Variants in NCOA2 observed in about 807,000 individuals in gnomAD.
NCOA2 encodes the protein class E basic helix-loop-helix protein 75.
In NCOA2, 21 loss-of-function variants were observed where a neutral mutation model predicts 145.1. That is an observed-to-expected ratio of 0.14 (90% CI 0.10 to 0.21). NCOA2 has a LOEUF of 0.21. NCOA2 is among the 10% of genes least tolerant of loss of function. The pLI is 1.00. For missense variants in NCOA2, 1,472 were observed against 1,837.6 expected (o/e 0.80, Z 3.64); for synonymous variants, 619 against 637.5 (o/e 0.97, Z 0.44).
At chr8:70,405,677 A>G (rs1176209932), upstream of NCOA2, among the ~76,000 whole-genome samples, 1 of 150,540 alleles carries the variant, frequency 6.6e-6, no homozygotes, top group Non-Finnish European at 1.5e-5. Flanking sequence ...ATAAATAAAT[A>G]AATAAATAAA....
chr8:70,389,886 G>A (rs954233594), intron 1 of NCOA2, among the ~76,000 whole-genome samples: 3 of 151,250 alleles, frequency 2.0e-5, no homozygotes, highest in Admixed American at 6.6e-5. Flanking sequence ...GGCTGGTCTC[G>A]AACTCCTGAC....
chr8:70,362,898 C>A lies in NCOA2; in HGVS notation c.-77+40802G>T, dbSNP rs111964626. 9.3e-4 allele frequency among the ~76,000 whole-genome samples: 140 copies of A among 150,948 alleles called. 1 individual carries two copies. Among genetic ancestry groups the A allele is most frequent in the African/African-American group, 3.4e-3 (138 of 41,080 alleles). ...TTTGAGACCAGCCTGGGCAACATGG[C>A]AAAACCCCGTCTCTACAAAAAACAC... On this transcript the variant is annotated intron_variant, in intron 1 of 22. Transcript: ENST00000452400.
chr8:70,144,738 T>C lies in NCOA2; in HGVS notation c.2716A>G (p.Arg906Gly), dbSNP rs1340421948. 2 of 1,614,002 alleles carry C rather than the reference T, an allele frequency of 1.2e-6. No individual in the cohort carries two copies. The highest frequency in any genetic ancestry group is 4.5e-5 in the East Asian group (2 of 44,884). The change falls in exon 13 of 23, where the codon AGA becomes GGA. Residue 906 changes from arginine (R) to glycine (G), a missense_variant. Transcript: ENST00000452400. Reference protein sequence around the residue: ...PTGAGPFPPIRNSSPYSVIPQ... With the variant: ...PTGAGPFPPIGNSSPYSVIPQ... ...ATCACTGAGTAGGGACTACTGTTTC[T>C]GATTGGTGGGAAAGGTCCAGCACCA...
upstream of NCOA2, among the ~76,000 whole-genome samples, chr8:70,405,437 GTTTT>G (rs34814735): frequency 1.0e-4 from 6 of 59,364 alleles, no homozygotes; most frequent in African/African-American, 3.0e-4. Context: ...ATTTTTAAAG[GTTTT>G]TTTTTTTTTT....
chr8:70,423,494 T>G, the NCOA2 span, among the ~76,000 whole-genome samples: 1 of 152,146 alleles, frequency 6.6e-6, no homozygotes, highest in Non-Finnish European at 1.5e-5. Flanking sequence ...ACTTTCTAAT[T>G]GAATCCTCTG....
At chr8:70,297,467 A>T (rs1414920238) in intron 1 of NCOA2, among the ~76,000 whole-genome samples, 1 of 152,138 alleles carries the variant, frequency 6.6e-6, no homozygotes, top group Non-Finnish European at 1.5e-5. Context: ...CCAAGTAGCC[A>T]GGACTACAGG....
At chr8:70,222,874 C>T (rs983815837) in intron 2 of NCOA2, among the ~76,000 whole-genome samples, 1 of 152,190 alleles carries the variant, frequency 6.6e-6, no homozygotes, top group Admixed American at 6.5e-5. Context: ...TCATTACCAA[C>T]ATGGGCGAAA....
Position 70,216,697 on chromosome 8 carries a change from T to G in NCOA2, c.49A>C (p.Arg17=), listed in dbSNP as rs1368486013. ...TGGTCAGGACATTCCTTGCGCTTTC[T>G]TGTCTCTGCCCTGGAGGGGTCAGAG... ...NTSDPSRAET[R]KRKECPDQLG... Residue 17 remains arginine, a synonymous_variant, in exon 3 of 23, where the codon AGA becomes CGA. Coordinates refer to ENST00000452400, the MANE Select transcript of NCOA2 (RefSeq NM_006540.4). 2.5e-6 allele frequency: 4 copies of G among 1,613,732 alleles called. No homozygotes were observed. The highest frequency in any genetic ancestry group is 3.4e-6 in the Non-Finnish European group (4 of 1,179,766).
intron 4 of NCOA2, among the ~76,000 whole-genome samples, chr8:70,197,330 C>A (rs1347664659): frequency 6.6e-6 from 1 of 152,206 alleles, no homozygotes; most frequent in African/African-American, 2.4e-5. Context: ...ATTACTTCTT[C>A]TTTTTCTTAG....
At chr8:70,134,798 T>C (rs1809539773) in intron 15 of NCOA2, among the ~76,000 whole-genome samples, 1 of 152,194 alleles carries the variant, frequency 6.6e-6, no homozygotes, top group Non-Finnish European at 1.5e-5. Flanking sequence ...CCCAAATAAA[T>C]GCAGAGATTA....
At chr8:70,375,063 A>G (rs1563819991) in intron 1 of NCOA2, among the ~76,000 whole-genome samples, 1 of 152,116 alleles carries the variant, frequency 6.6e-6, no homozygotes, top group Non-Finnish European at 1.5e-5. Flanking sequence ...AAAAGATATC[A>G]ATAAACTGCA....
intron 2 of NCOA2, among the ~76,000 whole-genome samples, chr8:70,242,392 T>C (rs1822215881): frequency 6.6e-6 from 1 of 152,154 alleles, no homozygotes; most frequent in Admixed American, 6.6e-5. Context: ...TGTTGTACTA[T>C]ATTAGTGATT....
intron 21 of NCOA2, among the ~76,000 whole-genome samples, chr8:70,123,253 G>A (rs4236979): frequency 6.6e-5 from 10 of 152,126 alleles, no homozygotes; most frequent in South Asian, 2.1e-4. Flanking sequence ...TATCTGTGTC[G>A]GTCTCTTTGC....
chr8:70,175,913 T>C (rs1410160696), intron 4 of NCOA2, among the ~76,000 whole-genome samples: 1 of 151,132 alleles, frequency 6.6e-6, no homozygotes, highest in African/African-American at 2.4e-5. Context: ...ATGTTGAAAA[T>C]CTGTAAAGCC....
rs747852487 is a variant in NCOA2, at chr8:70,141,315, G to A, written c.2897C>T (p.Ala966Val). The A allele has an allele frequency of 6.2e-7, 1 of 1,613,906 alleles. No individual in the cohort carries two copies. The highest frequency in any genetic ancestry group is 1.1e-5 in the South Asian group (1 of 91,056). ...CCGGTTCATGGCACTGGTGGTAGCA[G>A]CACAGGTGACTCTCACAGCCGAACT... Reference protein sequence around the residue: ...PQSSAVRVTCAATTSAMNRPV... With the variant: ...PQSSAVRVTCVATTSAMNRPV... Residue 966 changes from alanine to valine, a missense_variant, in exon 14 of 23, where the codon GCT becomes GTT. By Grantham distance (64) the Ala-to-Val change is moderately conservative. This residue lies in a region of NCOA2 where 953 missense variants were observed against 1,062.1 expected (regional missense o/e 0.90). Transcript: ENST00000452400.
chr8:70,411,665 A>G, the NCOA2 span, among the ~76,000 whole-genome samples: 3 of 152,264 alleles, frequency 2.0e-5, no homozygotes, highest in African/African-American at 7.2e-5. Context: ...TGAACAAACT[A>G]TAGCTTCACA....
chr8:70,268,403 C>T (rs1202831448), intron 2 of NCOA2, among the ~76,000 whole-genome samples: 1 of 152,138 alleles, frequency 6.6e-6, no homozygotes, highest in Non-Finnish European at 1.5e-5. Flanking sequence ...GCCATTTTTA[C>T]ATGACATGGC....
intron 1 of NCOA2, among the ~76,000 whole-genome samples, chr8:70,379,746 A>T (rs953495187): frequency 1.3e-5 from 2 of 152,128 alleles, no homozygotes; most frequent in Admixed American, 6.5e-5. Context: ...TTAAAAATTT[A>T]AAAAATATAT....
chr8:70,401,130 T>C (rs1408724272), intron 1 of NCOA2, among the ~76,000 whole-genome samples: 1 of 152,000 alleles, frequency 6.6e-6, no homozygotes, highest in African/African-American at 2.4e-5. Flanking sequence ...CACACACACA[T>C]GCTTTGTAGC....
Sources: allele counts gnomAD v4.1 joint callset (sites outside exome capture counted in the v4.1 genomes callset), GRCh38; gene constraint gnomAD v4.1.1; regional missense constraint gnomAD v4.1.1; transcripts MANE v1.5; gene names NCBI Gene and HGNC (gene_info 2026-07-23, HGNC 2026-07-21).